The following KCNMA1 variants were observed in gnomAD, a reference collection of about 807,000 sequenced individuals.
The protein encoded by KCNMA1 is potassium calcium-activated channel subfamily M alpha 1.
In KCNMA1, 29 loss-of-function variants were observed where a neutral mutation model predicts 140.0. The observed-to-expected ratio is 0.21, with a 90% CI of 0.15 to 0.28. The LOEUF is 0.28. KCNMA1 is among the 10% of genes least tolerant of loss of function. The probability of loss-of-function intolerance (pLI) is 1.00; values close to 1 mark genes in which losing one functional copy is unlikely to be tolerated. For synonymous variants in KCNMA1, 612 were observed against 611.9 expected, an observed-to-expected ratio of 1.00 and a Z score of 0.00; for missense variants, 880 against 1,602.2, an observed-to-expected ratio of 0.55 and a Z score of 7.70.
chr10:76,877,686 A>G, downstream of KCNMA1: 1 of 1,519,414 alleles, frequency 6.6e-7, no homozygotes, highest in Non-Finnish European at 8.9e-7. Context: ...AAGTCACATC[A>G]CCATTTATGA....
chr10:77,419,305 G>A (rs2096817328), intron 1 of KCNMA1, among the ~76,000 whole-genome samples: 1 of 152,184 alleles, frequency 6.6e-6, no homozygotes, highest in Admixed American at 6.5e-5. Context: ...TGGCGTCTTG[G>A]AAAGACGCCC....
chr10:77,607,694 G>A (rs1346010347), intron 1 of KCNMA1, among the ~76,000 whole-genome samples: 1 of 151,986 alleles, frequency 6.6e-6, no homozygotes, highest in Non-Finnish European at 1.5e-5. Flanking sequence ...CAAAAGGCAA[G>A]AAAAACGACT....
At chr10:77,411,076 C>T (rs774617521) in intron 1 of KCNMA1, among the ~76,000 whole-genome samples, 27 of 152,210 alleles carry the variant, frequency 1.8e-4, no homozygotes, top group Non-Finnish European at 7.3e-5. Flanking sequence ...GATCTCGGCT[C>T]ACTGCAACCT....
chr10:77,466,778 A>G (rs1208532174), intron 1 of KCNMA1, among the ~76,000 whole-genome samples: 1 of 151,906 alleles, frequency 6.6e-6, no homozygotes, highest in African/African-American at 2.4e-5. Context: ...TGCTGTGACC[A>G]CCCTTCACAG....
chr10:77,217,848 G>C (rs1253154766), intron 3 of KCNMA1, among the ~76,000 whole-genome samples: 4 of 152,094 alleles, frequency 2.6e-5, no homozygotes, highest in African/African-American at 7.2e-5. Flanking sequence ...TCTTCTCAAG[G>C]GGAGCCTACC....
intron 1 of KCNMA1, among the ~76,000 whole-genome samples, chr10:77,450,708 A>G (rs2097631240): frequency 6.6e-6 from 1 of 152,186 alleles, no homozygotes; most frequent in South Asian, 2.1e-4. Flanking sequence ...CCACCCAAAG[A>G]GTCATACTAT....
intron 1 of KCNMA1, among the ~76,000 whole-genome samples, chr10:77,471,971 TCA>T (rs777490702): frequency 2.1e-5 from 3 of 141,310 alleles, no homozygotes; most frequent in African/African-American, 8.0e-5. Flanking sequence ...ACACTACACA[TCA>T]CACACACATA....
intron 5 of KCNMA1, among the ~76,000 whole-genome samples, chr10:77,177,348 T>G (rs537128738): frequency 2.6e-5 from 4 of 150,944 alleles, no homozygotes; most frequent in Admixed American, 2.6e-4. Context: ...CTTTCTTCCT[T>G]CCTTTCCTTC....
intron 1 of KCNMA1, among the ~76,000 whole-genome samples, chr10:77,478,841 T>C (rs1262767175): frequency 6.6e-6 from 1 of 152,114 alleles, no homozygotes; most frequent in East Asian, 1.9e-4. Context: ...AAAGAGCAAA[T>C]ATAAGGAAAA....
intron 23 of KCNMA1, among the ~76,000 whole-genome samples, chr10:76,933,613 A>C (rs1422295724): frequency 6.6e-6 from 1 of 151,996 alleles, no homozygotes; most frequent in Non-Finnish European, 1.5e-5. Flanking sequence ...TATTAATCAC[A>C]CTTATTTTCA....
intron 21 of KCNMA1, among the ~76,000 whole-genome samples, chr10:76,953,015 G>C (rs747391991): frequency 6.6e-6 from 1 of 152,196 alleles, no homozygotes; most frequent in Non-Finnish European, 1.5e-5. Context: ...GCTGTTAATA[G>C]AACAAGGGCA....
intron 2 of KCNMA1, among the ~76,000 whole-genome samples, chr10:77,381,402 G>A (rs1475432068): frequency 9.9e-5 from 15 of 152,186 alleles, no homozygotes; most frequent in Non-Finnish European, 2.1e-4. Context: ...ATGCATGTAA[G>A]TAAAATTCCT....
At chr10:77,414,966 T>C (rs1318256257) in intron 1 of KCNMA1, among the ~76,000 whole-genome samples, 1 of 152,152 alleles carries the variant, frequency 6.6e-6, no homozygotes, top group African/African-American at 2.4e-5. Flanking sequence ...AGAGATGGAA[T>C]CTCCATATAA....
intron 1 of KCNMA1, among the ~76,000 whole-genome samples, chr10:77,584,178 G>A (rs999163010): frequency 2.6e-5 from 4 of 152,132 alleles, no homozygotes; most frequent in South Asian, 2.1e-4. Flanking sequence ...GAGAAACACC[G>A]TCAGTCCACA....
chr10:77,590,969 G>T (rs748028884), intron 1 of KCNMA1, among the ~76,000 whole-genome samples: 7 of 152,212 alleles, frequency 4.6e-5, no homozygotes, highest in African/African-American at 7.2e-5. Flanking sequence ...GCCCTGCTGT[G>T]CTGGTGCCAG....
At chr10:77,206,807 C>T (rs944222669) in intron 3 of KCNMA1, among the ~76,000 whole-genome samples, 2 of 37,140 alleles carry the variant, frequency 5.4e-5, no homozygotes, top group Non-Finnish European at 9.9e-5. Context: ...TAAAGGGAGG[C>T]AGGGAGGGAG....
At chr10:77,232,376 G>C (rs551010) in intron 3 of KCNMA1, among the ~76,000 whole-genome samples, 81,609 of 151,972 alleles carry the variant, frequency 0.54, 22,206 homozygotes, top group Middle Eastern at 0.65. Context: ...TCATCCCCAC[G>C]AGCAGCCACA....
intron 19 of KCNMA1, among the ~76,000 whole-genome samples, chr10:76,972,390 C>T (rs542603850): frequency 6.6e-6 from 1 of 152,304 alleles, no homozygotes; most frequent in African/African-American, 2.4e-5. Flanking sequence ...GAACAGAAGT[C>T]ATCCTCCCTA....
At chr10:77,584,180 C>A (rs528272552) in intron 1 of KCNMA1, among the ~76,000 whole-genome samples, 3 of 152,278 alleles carry the variant, frequency 2.0e-5, no homozygotes, top group Non-Finnish European at 4.4e-5. Context: ...GAAACACCGT[C>A]AGTCCACAGT....
Sources: allele counts gnomAD v4.1 joint callset (sites outside exome capture counted in the v4.1 genomes callset), GRCh38; gene constraint gnomAD v4.1.1; transcripts MANE v1.5; gene names NCBI Gene and HGNC (gene_info 2026-07-23, HGNC 2026-07-21).